Variants in UBE2V1 observed in about 807,000 individuals in gnomAD.
UBE2V1 encodes ubiquitin conjugating enzyme E2 V1.
A neutral mutation model predicts 19.6 loss-of-function variants in UBE2V1; 15 were observed. The ratio of observed to expected loss-of-function variants is 0.77; its 90% CI spans 0.51 to 1.18. UBE2V1 has a LOEUF of 1.18. Ranked by LOEUF, UBE2V1 falls within the 50% of genes most tolerant of loss-of-function variation. The probability of loss-of-function intolerance (pLI) is 0.00; values close to 1 mark genes in which losing one functional copy is unlikely to be tolerated. For missense variants in UBE2V1, 125 were observed against 184.8 expected (o/e 0.68, Z 1.88); for synonymous variants, 60 against 60.7 (o/e 0.99, Z 0.05).
intron 2 of UBE2V1, among the ~76,000 whole-genome samples, chr20:50,088,643 C>A (rs2079055938): frequency 6.6e-6 from 1 of 151,810 alleles, no homozygotes; most frequent in Admixed American, 6.6e-5. Context: ...AAAAAATTAG[C>A]CAGGTGTGGT....
At chr20:50,108,165 A>C (rs765411402) in intron 1 of UBE2V1, among the ~76,000 whole-genome samples, 1 of 152,248 alleles carries the variant, frequency 6.6e-6, no homozygotes, top group Non-Finnish European at 1.5e-5. Context: ...TCCTGTATAG[A>C]AAATGGAAAG....
chr20:50,081,690 T>C lies in UBE2V1; in HGVS notation c.*1078A>G. 1 of 196,830 alleles carries C rather than the reference T, an allele frequency of 5.1e-6. No individual in the cohort carries two copies. Among genetic ancestry groups the C allele is most frequent in the Non-Finnish European group, 1.0e-5 (1 of 97,300 alleles). The allele number at this position is 196,830 out of a possible 1,614,324, so 12.2% of individuals were successfully genotyped here. A position where few individuals can be genotyped will look rare whatever the true frequency, so the allele number is the denominator to read the frequency against. ...TTCAATTTTTAAAAGCAAAAGCAGT[T>C]ACAGGAAAGTAAAACAATTCAGAGG... is the stretch of plus-strand genomic sequence containing the variant. On this transcript the variant is annotated 3_prime_UTR_variant, in exon 4 of 4. Coordinates refer to ENST00000371674, the MANE Select transcript of UBE2V1 (RefSeq NM_001032288.3).
At chr20:50,105,876 G>C (rs941154445) in intron 1 of UBE2V1, among the ~76,000 whole-genome samples, 8 of 152,088 alleles carry the variant, frequency 5.3e-5, no homozygotes, top group African/African-American at 9.7e-5. Flanking sequence ...GTTTCAGTGA[G>C]CTGCGATCAT....
At chr20:50,106,922 AAAAG>A (rs1366945903) in intron 1 of UBE2V1, among the ~76,000 whole-genome samples, 1 of 151,926 alleles carries the variant, frequency 6.6e-6, no homozygotes, top group Non-Finnish European at 1.5e-5. Context: ...GTTTCTCCTG[AAAAG>A]AAAGCTGCTA....
rs558638383 is a variant in UBE2V1 at position 50,111,516 on chromosome 20, G to C, written c.22+1591C>G. Reference sequence around the variant, plus strand: ...GACTCAGAATCTCTCTTCTGGGAGTGCCTGGGGCAGCGTCATGGTAAATGA... The same window carrying C: ...GACTCAGAATCTCTCTTCTGGGAGTCCCTGGGGCAGCGTCATGGTAAATGA... On this transcript the variant is annotated intron_variant, in intron 1 of 3. Transcript: ENST00000371674. 25 of 1,000,324 alleles carry C rather than the reference G, an allele frequency of 2.5e-5. No individual in the cohort carries two copies. In the East Asian group the frequency reaches 2.7e-3, roughly 109 times the overall value. 62.0% of individuals were successfully genotyped at this position (1,000,324 alleles called of 1,614,324 possible). A position where few individuals can be genotyped will look rare whatever the true frequency, so the allele number is the denominator to read the frequency against.
At position 50,082,915 on chromosome 20, in the gene UBE2V1, C is replaced by T. The variant is rs2078703515; in HGVS notation, c.298-1G>A. 2 of 1,604,660 alleles carry T rather than the reference C, an allele frequency of 1.2e-6. No homozygotes were observed. The highest frequency in any genetic ancestry group is 1.7e-5 in the Admixed American group (1 of 59,634). Reference sequence around the variant, plus strand: ...GCACTGATATGGCTCTTGGGTCCACCTACAACAAGGCAAACAAAAGCAAAT... The same window carrying T: ...GCACTGATATGGCTCTTGGGTCCACTTACAACAAGGCAAACAAAAGCAAAT... On this transcript the variant is annotated splice_acceptor_variant, in intron 3 of 3. Transcript: ENST00000371674. LOFTEE classifies it high-confidence loss of function.
rs368653607 is a variant in UBE2V1 at position 50,100,789 on chromosome 20, T to C, written c.23-3969A>G. Among the ~76,000 whole-genome samples, 8 of 152,342 alleles carry C rather than the reference T, an allele frequency of 5.3e-5. No homozygotes were observed. In the East Asian group the frequency reaches 5.8e-4, roughly 11 times the overall value. On this transcript the variant is annotated intron_variant, in intron 1 of 3. Transcript: ENST00000371674. ...GGACTATTTATAGTAGGACTATTCC[T>C]CTTGCAAACTTAAGCAAAGAACTTC...
chr20:50,083,958 A>G, intron 3 of UBE2V1, 171 bp downstream of exon 3: 3 of 1,022,822 alleles, frequency 2.9e-6, no homozygotes, highest in Non-Finnish European at 4.1e-6. Context: ...ATCGCCAGAT[A>G]TAATTGGGAA....
At chr20:50,096,219 A>G (rs553471445) in intron 2 of UBE2V1, 1 of 183,740 alleles carries the variant, frequency 5.4e-6, no homozygotes, top group Non-Finnish European at 1.1e-5. Context: ...CAGGCTTGCC[A>G]GGGACCTTTG....
rs1457306679 is a variant in UBE2V1 at position 50,081,192 on chromosome 20, G to A, written c.*1576C>T. 1 of 151,946 alleles carries A rather than the reference G, an allele frequency of 6.6e-6. No homozygotes were observed. The highest frequency in any genetic ancestry group is 1.5e-5 in the Non-Finnish European group (1 of 68,002). The allele number at this position is 151,946 out of a possible 1,614,324, so 9.4% of individuals were successfully genotyped here. A position where few individuals can be genotyped will look rare whatever the true frequency, so the allele number is the denominator to read the frequency against. On this transcript the variant is annotated 3_prime_UTR_variant, in exon 4 of 4. Transcript: ENST00000371674. Reference sequence around the variant, plus strand: ...GCAATGGTCTGACAATAAAAAGGCTGCTTATGGAATACTGTTATGTTAAAC... The same window carrying A: ...GCAATGGTCTGACAATAAAAAGGCTACTTATGGAATACTGTTATGTTAAAC...
intron 1 of UBE2V1, among the ~76,000 whole-genome samples, chr20:50,109,616 G>A (rs1479536905): frequency 1.3e-5 from 2 of 151,998 alleles, no homozygotes; most frequent in Non-Finnish European, 2.9e-5. Flanking sequence ...AGGCGTGGTG[G>A]CGCGTGCCTG....
intron 2 of UBE2V1, among the ~76,000 whole-genome samples, chr20:50,089,638 C>T (rs147091411): frequency 1.3e-5 from 2 of 152,202 alleles, no homozygotes; most frequent in African/African-American, 4.8e-5. Context: ...GCAGGCACCT[C>T]TCTGCACAGC....
intron 2 of UBE2V1, chr20:50,084,901 T>TTA (rs2078826563): frequency 8.5e-6 from 1 of 117,068 alleles, no homozygotes; most frequent in South Asian, 1.7e-4. Context: ...CTTTTTTTTT[T>TTA]TTTTTTTTTT....
Position 50,084,184 on chromosome 20 carries a change from A to T in UBE2V1, c.242T>A (p.Phe81Tyr). 1 of 1,609,302 alleles carries T rather than the reference A, an allele frequency of 6.2e-7. No homozygotes were observed. ...ATTAATTTTTGTTACAAATCTTACAAAGGGGGGTGCTTCTGGGTATTTAGG... is the reference window on the plus strand; with the variant it reads ...ATTAATTTTTGTTACAAATCTTACATAGGGGGGTGCTTCTGGGTATTTAGG... ...CGPKYPEAPP[F>Y]VRFVTKINMN... The change falls in exon 3 of 4, where the codon TTT becomes TAT. Residue 81 changes from phenylalanine (F) to tyrosine (Y), a missense_variant. Phe to Tyr is a conservative substitution (Grantham distance 22). Transcript: ENST00000371674.
At chr20:50,092,312 A>G (rs948000120) in intron 2 of UBE2V1, among the ~76,000 whole-genome samples, 3 of 151,718 alleles carry the variant, frequency 2.0e-5, no homozygotes, top group African/African-American at 7.3e-5. Context: ...ACAGAATAAG[A>G]CTCCATCTCA....
intron 3 of UBE2V1, among the ~76,000 whole-genome samples, chr20:50,083,426 C>T (rs892649350): frequency 2.6e-5 from 4 of 152,230 alleles, no homozygotes; most frequent in African/African-American, 7.2e-5. Flanking sequence ...GGGCTCAGGA[C>T]TTTAGGTGGA....
chr20:50,112,236 A>T (rs2080803172), intron 1 of UBE2V1, among the ~76,000 whole-genome samples: 1 of 152,182 alleles, frequency 6.6e-6, no homozygotes, highest in Non-Finnish European at 1.5e-5. Context: ...GGCTTCCCTC[A>T]GTTGAATCCC....
chr20:50,091,892 G>A (rs1439552839), intron 2 of UBE2V1, among the ~76,000 whole-genome samples: 3 of 152,144 alleles, frequency 2.0e-5, no homozygotes, highest in African/African-American at 7.2e-5. Flanking sequence ...AGTTTCATTC[G>A]ATGGTGAGCA....
intron 2 of UBE2V1, chr20:50,084,719 G>GT (rs1328627527): frequency 5.4e-6 from 2 of 371,978 alleles, no homozygotes; most frequent in Non-Finnish European, 1.1e-5. Flanking sequence ...CGAGGGAGGG[G>GT]TGCAGACTCA....
Sources: allele counts gnomAD v4.1 joint callset (sites outside exome capture counted in the v4.1 genomes callset), GRCh38; gene constraint gnomAD v4.1.1; transcripts MANE v1.5; gene names NCBI Gene and HGNC (gene_info 2026-07-23, HGNC 2026-07-21).